Variants in PNPT1 observed in about 807,000 individuals in gnomAD.
PNPT1 encodes polyribonucleotide nucleotidyltransferase 1, mitochondrial.
Under a neutral mutation model 119.5 loss-of-function variants are expected in PNPT1, and 53 were observed. That is an observed-to-expected ratio of 0.44 (90% CI 0.36 to 0.56). The LOEUF (loss-of-function observed/expected upper bound fraction) is 0.56, where lower values mean the gene tolerates loss of function less well. PNPT1 is among the 20% of genes least tolerant of loss of function. The pLI, the probability that PNPT1 is intolerant of heterozygous loss-of-function variation, is 0.00. For synonymous variants in PNPT1, 357 were observed against 322.1 expected (o/e 1.11, Z -1.16); for missense variants, 948 against 938.5 (o/e 1.01, Z -0.13).
chr2:55,668,422 G>T (rs1194243294), intron 11 of PNPT1, among the ~76,000 whole-genome samples: 3 of 151,924 alleles, frequency 2.0e-5, no homozygotes, highest in Non-Finnish European at 4.4e-5. Context: ...TATTTTAGTG[G>T]AGACGGGGTT....
chr2:55,673,824 T>C (rs1359560703), intron 8 of PNPT1, among the ~76,000 whole-genome samples: 1 of 152,176 alleles, frequency 6.6e-6, no homozygotes, highest in Non-Finnish European at 1.5e-5. Flanking sequence ...TGACTTTAGG[T>C]GATCTGCCTG....
At chr2:55,691,878 A>ATATATTTTTTT (rs1326804958) in intron 1 of PNPT1, among the ~76,000 whole-genome samples, 3 of 33,124 alleles carry the variant, frequency 9.1e-5, no homozygotes, top group South Asian at 3.6e-3. Flanking sequence ...ATATATATAT[A>ATATATTTTTTT]TTTTTTTTTT....
intron 18 of PNPT1, among the ~76,000 whole-genome samples, chr2:55,649,241 C>A (rs1696096071): frequency 6.6e-6 from 1 of 152,076 alleles, no homozygotes; most frequent in Non-Finnish European, 1.5e-5. Flanking sequence ...GAATTTGAGA[C>A]CAGCCTGGGC....
chr2:55,643,081 C>T (rs1695883053), intron 25 of PNPT1, 77 bp downstream of exon 25: 4 of 1,461,904 alleles, frequency 2.7e-6, no homozygotes, highest in Non-Finnish European at 2.9e-6. Context: ...ACCACTGTAT[C>T]CCACTGTGGG....
At chr2:55,692,225 C>T (rs1697640028) in intron 1 of PNPT1, among the ~76,000 whole-genome samples, 1 of 152,008 alleles carries the variant, frequency 6.6e-6, no homozygotes, top group African/African-American at 2.4e-5. Context: ...AACACATACA[C>T]ACAGTGTGTA....
intron 18 of PNPT1, among the ~76,000 whole-genome samples, chr2:55,650,979 G>A (rs1483801863): frequency 4.8e-5 from 7 of 145,642 alleles, no homozygotes; most frequent in East Asian, 2.2e-4. Flanking sequence ...CAGCCGCCCC[G>A]TCCGGGAGGT....
At chr2:55,693,641 G>A in intron 1 of PNPT1, 22 bp downstream of exon 1, 2 of 1,613,612 alleles carry the variant, frequency 1.2e-6, no homozygotes, top group Non-Finnish European at 1.7e-6. Context: ...TGACAATACA[G>A]TGAACGCACG....
intron 1 of PNPT1, among the ~76,000 whole-genome samples, chr2:55,691,870 ATATATATATTTTTTTTTT>A (rs1318235839): frequency 9.8e-3 from 120 of 12,272 alleles, no homozygotes; most frequent in Middle Eastern, 0.033. Flanking sequence ...ATATATATAT[ATATATATATTTTTTTTTT>A]TTTTTTTTTT....
intron 3 of PNPT1, among the ~76,000 whole-genome samples, chr2:55,685,516 G>C (rs1013363732): frequency 1.3e-5 from 2 of 151,154 alleles, no homozygotes; most frequent in African/African-American, 4.8e-5. Context: ...GGGTGACAGA[G>C]CAAGACCCTG....
intron 4 of PNPT1, among the ~76,000 whole-genome samples, chr2:55,684,496 A>T (rs1255214601): frequency 1.3e-5 from 2 of 152,254 alleles, no homozygotes; most frequent in Non-Finnish European, 2.9e-5. Flanking sequence ...GAAGAGCTAT[A>T]AATTACATAT....
rs370307663 is a variant in PNPT1 at position 55,693,653 on chromosome 2, C to A, written c.161+10G>T. 6.2e-7 allele frequency: 1 copy of A among 1,613,876 alleles called. No individual in the cohort carries two copies. Among genetic ancestry groups the A allele is most frequent in the South Asian group, 1.1e-5 (1 of 91,066 alleles). On this transcript the variant is annotated intron_variant, in intron 1 of 27. Coordinates refer to ENST00000447944, the MANE Select transcript of PNPT1 (RefSeq NM_033109.5). ...TTATGACAATACAGTGAACGCACGTCACTCCTTACCTGTTGCCTAAGTCCA... is the reference window on the plus strand; with the variant it reads ...TTATGACAATACAGTGAACGCACGTAACTCCTTACCTGTTGCCTAAGTCCA...
rs1196850160 is a variant in PNPT1 at position 55,644,736 on chromosome 2, G to A, written c.1823-16C>T. 2 of 1,568,522 alleles carry A rather than the reference G, an allele frequency of 1.3e-6. No homozygotes were observed. Among genetic ancestry groups the A allele is most frequent in the South Asian group, 1.1e-5 (1 of 88,720 alleles). The stretch of plus-strand genomic sequence containing the variant: ...TGAACAGTTTCTGGAACGTAATACA[G>A]ACAAATATATAAACAATTCAACTAC... On this transcript the variant is annotated splice_polypyrimidine_tract_variant and intron_variant, in intron 22 of 27. Coordinates refer to ENST00000447944, the MANE Select transcript of PNPT1 (RefSeq NM_033109.5).
intron 23 of PNPT1, among the ~76,000 whole-genome samples, chr2:55,643,633 T>A (rs913248219): frequency 6.6e-6 from 1 of 151,924 alleles, no homozygotes; most frequent in Non-Finnish European, 1.5e-5. Context: ...CCCACCTACT[T>A]GGGACTCACA....
At chr2:55,691,878 A>ATTTTTTTTTTTTTTT (rs1227966046) in intron 1 of PNPT1, among the ~76,000 whole-genome samples, 1 of 33,132 alleles carries the variant, frequency 3.0e-5, no homozygotes. Flanking sequence ...ATATATATAT[A>ATTTTTTTTTTTTTTT]TTTTTTTTTT....
intron 2 of PNPT1, among the ~76,000 whole-genome samples, chr2:55,686,715 T>G (rs1294545626): frequency 6.6e-6 from 1 of 152,186 alleles, no homozygotes; most frequent in Non-Finnish European, 1.5e-5. Flanking sequence ...TGGCTATACA[T>G]AAGGAAAAAT....
intron 11 of PNPT1, 55 bp downstream of exon 11, chr2:55,671,264 G>T: frequency 2.2e-6 from 2 of 921,280 alleles, no homozygotes; most frequent in South Asian, 1.9e-5. Context: ...GTCAGGCCAT[G>T]CCTTATTAAA....
At chr2:55,663,941 A>T (rs1201095486) in intron 13 of PNPT1, among the ~76,000 whole-genome samples, 1 of 151,894 alleles carries the variant, frequency 6.6e-6, no homozygotes, top group Non-Finnish European at 1.5e-5. Context: ...GTGAGCCGAG[A>T]TCACACCACT....
Position 55,640,857 on chromosome 2 carries a change from A to T in PNPT1, c.2070-152T>A. The T allele has an allele frequency of 5.3e-6, 3 of 568,058 alleles. No individual in the cohort carries two copies. The East Asian group carries it at 9.0e-5, about 17-fold the overall frequency. 35.2% of individuals were successfully genotyped at this position (568,058 alleles called of 1,614,324 possible). ...AGAACTATAAAAAGTATACTTTTCA[A>T]CTGAAAATATACCCTATAAATAAAT... On this transcript the variant is annotated intron_variant, in intron 25 of 27. Transcript: ENST00000447944.
intron 13 of PNPT1, among the ~76,000 whole-genome samples, chr2:55,664,730 C>T (rs1696682940): frequency 6.6e-6 from 1 of 151,878 alleles, no homozygotes; most frequent in African/African-American, 2.4e-5. Flanking sequence ...AGTTACAAAG[C>T]CAGAGATTGT....
Sources: gnomAD v4.1 joint callset for allele counts (sites outside exome capture counted in the v4.1 genomes callset) on GRCh38, gnomAD v4.1.1 for gene constraint, MANE v1.5 for transcripts, NCBI Gene and HGNC (gene_info 2026-07-23, HGNC 2026-07-21) for gene names.